The following CNP variants were observed in gnomAD, a reference collection of about 807,000 sequenced individuals.
CNP encodes 2',3'-cyclic-nucleotide 3'-phosphodiesterase.
In CNP, 8 loss-of-function variants were observed where a neutral mutation model predicts 37.9. The ratio of observed to expected loss-of-function variants is 0.21; its 90% CI spans 0.12 to 0.38. CNP has a LOEUF of 0.38. CNP is among the 10% of genes least tolerant of loss of function. The pLI is 1.00. For missense variants in CNP, 457 were observed against 551.0 expected, an observed-to-expected ratio of 0.83 and a Z score of 1.71; for synonymous variants, 237 against 238.3, an observed-to-expected ratio of 0.99 and a Z score of 0.05.
chr17:41,973,974 G>A lies in CNP; in HGVS notation c.*50G>A, dbSNP rs1313104736. 3.8e-5 allele frequency: 50 copies of A among 1,325,304 alleles called. No homozygotes were observed. Among genetic ancestry groups the A allele is most frequent in the Non-Finnish European group, 4.4e-5 (45 of 1,014,250 alleles). 82.1% of individuals were successfully genotyped at this position (1,325,304 alleles called of 1,614,324 possible). On this transcript the variant is annotated 3_prime_UTR_variant, in exon 4 of 4. Transcript: ENST00000393892. ...CTAGAAGGGAAGGGGAGAGGGAAAC[G>A]TGCCCTCTGTTTGATCCTTGTTTTG... is the stretch of plus-strand genomic sequence containing the variant.
In CNP at chr17:41,968,446, C is replaced by T. The variant is rs376807231; in HGVS notation, c.382C>T (p.Arg128Trp). The T allele has an allele frequency of 1.8e-5, 29 of 1,614,034 alleles. No individual in the cohort carries two copies. Among genetic ancestry groups the T allele is most frequent in the Non-Finnish European group, 2.2e-5 (26 of 1,180,044 alleles). The change falls in exon 2 of 4, where the codon CGG becomes TGG. Residue 128 changes from arginine to tryptophan, a missense_variant. Physicochemically the swap from Arg to Trp is moderately radical, Grantham distance 101 (BLOSUM62 -3). Transcript: ENST00000393892. This position sits in a 1 kb window ranked among gnomAD's most constrained non-coding sequence, Gnocchi z 4.8. Reference protein sequence around the residue: ...ILVLDDTNHERERLEQLFEMA... With the variant: ...ILVLDDTNHEWERLEQLFEMA... ...TGTGCTTGATGACACCAACCACGAA[C>T]GGGAACGGCTGGAGCAGCTCTTTGA...
At position 41,966,812 on chromosome 17, in the gene CNP, T is replaced by C. The variant is rs1292472998; in HGVS notation, c.-73T>C. On this transcript the variant is annotated 5_prime_UTR_variant, in exon 1 of 4. Coordinates refer to ENST00000393892, the MANE Select transcript of CNP (RefSeq NM_033133.5). ...GTCGTGCCACCGCTGGACTCCCGTG[T>C]CCCTCCGCGCAGGCGGGCGGCCCCG... 2.2e-6 allele frequency: 3 copies of C among 1,382,164 alleles called. No individual in the cohort carries two copies. The highest frequency in any genetic ancestry group is 1.6e-5 in the South Asian group (1 of 63,742). The allele number at this position is 1,382,164 out of a possible 1,614,324, so 85.6% of individuals were successfully genotyped here.
At position 41,977,403 on chromosome 17, in the gene CNP, G is replaced by C. The variant is rs1451111500; in HGVS notation, c.*3479G>C. 1 of 1,290,010 alleles carries C rather than the reference G, an allele frequency of 7.8e-7. No individual in the cohort carries two copies. The highest frequency in any genetic ancestry group is 1.1e-6 in the Non-Finnish European group (1 of 913,944). The allele number at this position is 1,290,010 out of a possible 1,614,324, so 79.9% of individuals were successfully genotyped here. ...GTTCGAAGAGAACTGATGACACTGAGAACAGATCTCCAAAGCTTTCCTGGA... is the reference window on the plus strand; with the variant it reads ...GTTCGAAGAGAACTGATGACACTGACAACAGATCTCCAAAGCTTTCCTGGA... On this transcript the variant is annotated 3_prime_UTR_variant, in exon 4 of 4. Coordinates refer to ENST00000393892, the MANE Select transcript of CNP (RefSeq NM_033133.5).
In CNP at chr17:41,968,771, A is replaced by T. The variant is rs2050940910; in HGVS notation, c.676+31A>T. 1.3e-6 allele frequency: 2 copies of T among 1,577,108 alleles called. No individual in the cohort carries two copies. Among genetic ancestry groups the T allele is most frequent in the Middle Eastern group, 1.7e-4 (1 of 5,834 alleles). ...TGGCAGGTTGGGGCCTTATAAGCCC[A>T]CCTTGCTGGGCACAGGGTGCTGCGG... On this transcript the variant is annotated intron_variant, in intron 2 of 3. Transcript: ENST00000393892. The surrounding 1 kb of genome is among the most constrained non-coding windows in gnomAD (Gnocchi z 4.8).
chr17:41,968,250 C>A lies in CNP; in HGVS notation c.186C>A (p.Gly62=). The part of the protein sequence containing the change: ...LFILRGLPGS[G]KSTLARVIVD... ...TCTTGCGCGGCCTGCCAGGAAGCGG[C>A]AAGTCCACGCTGGCACGGGTCATCG... is the stretch of plus-strand genomic sequence containing the variant. Residue 62 remains glycine (G), a synonymous_variant, in exon 2 of 4, where the codon GGC becomes GGA. Transcript: ENST00000393892. This position sits in a 1 kb window ranked among gnomAD's most constrained non-coding sequence, Gnocchi z 4.8. 1 of 1,614,168 alleles carries A rather than the reference C, an allele frequency of 6.2e-7. No individual in the cohort carries two copies. The highest frequency in any genetic ancestry group is 8.5e-7 in the Non-Finnish European group (1 of 1,180,000).
chr17:41,969,662 TCTC>T (rs1221532953), intron 2 of CNP, among the ~76,000 whole-genome samples: 1 of 152,088 alleles, frequency 6.6e-6, no homozygotes, highest in Non-Finnish European at 1.5e-5. Flanking sequence ...TTCAAGCAAT[TCTC>T]CTGCCTCAGC....
At chr17:41,966,947 G>A (rs1221090337) in intron 1 of CNP, 60 bp downstream of exon 1, 2 of 1,274,814 alleles carry the variant, frequency 1.6e-6, no homozygotes, top group African/African-American at 1.5e-5. Flanking sequence ...GAGTGTCGGG[G>A]CCCCTCGGGA....
In CNP at chr17:41,973,735, C is replaced by G; in HGVS notation, c.1077C>G (p.Ser359Arg). 6.2e-7 allele frequency: 1 copy of G among 1,611,636 alleles called. No homozygotes were observed. Among genetic ancestry groups the G allele is most frequent in the Non-Finnish European group, 8.5e-7 (1 of 1,178,648 alleles). The change falls in exon 4 of 4, where the codon AGC (serine) becomes AGG (arginine). Residue 359 changes from serine to arginine, a missense_variant. Physicochemically the swap from Ser to Arg is moderately radical, Grantham distance 110. Coordinates refer to ENST00000393892, the MANE Select transcript of CNP (RefSeq NM_033133.5). Reference sequence around the variant, plus strand: ...TTCTGCGGCAGGAGAAGGGGGGCAGCCGAGGCGAGGAGGTGGGCGAGCTAA... The same window carrying G: ...TTCTGCGGCAGGAGAAGGGGGGCAGGCGAGGCGAGGAGGTGGGCGAGCTAA... The part of the protein sequence containing the change: ...LEILRQEKGG[S>R]RGEEVGELSR...
rs76779828 is a variant in CNP at position 41,972,141 on chromosome 17, G to A, written c.816+110G>A. 3,914 of 1,359,550 alleles carry A rather than the reference G, an allele frequency of 2.9e-3. 108 individuals are homozygous for A. The African/African-American group carries it at 0.051, about 18-fold the overall frequency. The allele number at this position is 1,359,550 out of a possible 1,614,324, so 84.2% of individuals were successfully genotyped here. A position where few individuals can be genotyped will look rare whatever the true frequency, so the allele number is the denominator to read the frequency against. On this transcript the variant is annotated intron_variant, in intron 3 of 3. Transcript: ENST00000393892. ...CCAGGCAGGGACCAAAAACCAGATGGCAGCTCAAGAAAAATGGCATCTCCT... is the reference window on the plus strand; with the variant it reads ...CCAGGCAGGGACCAAAAACCAGATGACAGCTCAAGAAAAATGGCATCTCCT...
At chr17:41,972,321 C>T (rs530307254) in intron 3 of CNP, among the ~76,000 whole-genome samples, 15 of 152,202 alleles carry the variant, frequency 9.9e-5, no homozygotes, top group Admixed American at 7.8e-4. Flanking sequence ...CCACAGTGGG[C>T]TCCTGCTCTG....
rs781956517 is a variant in CNP, at chr17:41,976,793, G to C, written c.*2869G>C. 15 of 1,604,366 alleles carry C rather than the reference G, an allele frequency of 9.3e-6. No individual in the cohort carries two copies. The highest frequency in any genetic ancestry group is 5.4e-5 in the Admixed American group (3 of 55,500). ...ATGCTGAAAGAGAAAAGAGGGGTTG[G>C]TAGTTGGCTATGGATTTTCTAAGGA... On this transcript the variant is annotated 3_prime_UTR_variant, in exon 4 of 4. Transcript: ENST00000393892.
At position 41,972,016 on chromosome 17, in the gene CNP, G is replaced by T. The variant is rs1555643897; in HGVS notation, c.801G>T (p.Glu267Asp). 4 of 1,613,828 alleles carry T rather than the reference G, an allele frequency of 2.5e-6. No individual in the cohort carries two copies. The highest frequency in any genetic ancestry group is 3.4e-6 in the Non-Finnish European group (4 of 1,179,860). The change falls in exon 3 of 4, where the codon GAG becomes GAT. Residue 267 changes from glutamate to aspartate, a missense_variant. Physicochemically the swap from Glu to Asp is conservative, Grantham distance 45 (BLOSUM62 2). Coordinates refer to ENST00000393892, the MANE Select transcript of CNP (RefSeq NM_033133.5). ...CDYGKAPGAEEYAQQDVLKKS... is the reference protein window; with the variant it reads ...CDYGKAPGAEDYAQQDVLKKS... ...ACGGGAAGGCTCCCGGGGCAGAGGA[G>T]TACGCTCAACAAGATGTGAGTCTTC...
At chr17:41,973,195 G>A (rs528463646) in intron 3 of CNP, among the ~76,000 whole-genome samples, 2 of 152,310 alleles carry the variant, frequency 1.3e-5, no homozygotes, top group African/African-American at 2.4e-5. Context: ...CGCTGAGGCC[G>A]GAAGCCAGTG....
chr17:41,968,624 C>T lies in CNP; in HGVS notation c.560C>T (p.Pro187Leu). Residue 187 changes from proline (P) to leucine (L), a missense_variant, in exon 2 of 4, where the codon CCG becomes CTG. Transcript: ENST00000393892. The surrounding 1 kb of genome is among the most constrained non-coding windows in gnomAD (Gnocchi z 4.8). Reference sequence around the variant, plus strand: ...CCTGGGCTGGAGAAGGACTTCCTGCCGCTCTACTTCGGCTGGTTCCTGACC... The same window carrying T: ...CCTGGGCTGGAGAAGGACTTCCTGCTGCTCTACTTCGGCTGGTTCCTGACC... ...LKPGLEKDFL[P>L]LYFGWFLTKK... 2 of 1,614,106 alleles carry T rather than the reference C, an allele frequency of 1.2e-6. No homozygotes were observed. The highest frequency in any genetic ancestry group is 1.7e-6 in the Non-Finnish European group (2 of 1,180,030).
rs117342079 is a variant in CNP at position 41,976,920 on chromosome 17, G to A, written c.*2996G>A. ...ATCAAACAGCTCAGGCTGTTTTTGG[G>A]TGCAAGAGGGAGCACGTGACTGTAT... On this transcript the variant is annotated 3_prime_UTR_variant, in exon 4 of 4. Coordinates refer to ENST00000393892, the MANE Select transcript of CNP (RefSeq NM_033133.5). 6.7e-3 allele frequency: 6,238 copies of A among 932,362 alleles called. 36 individuals are homozygous for A. The highest frequency in any genetic ancestry group is 0.014 in the Middle Eastern group (45 of 3,280). The allele number at this position is 932,362 out of a possible 1,614,324, so 57.8% of individuals were successfully genotyped here. A position where few individuals can be genotyped will look rare whatever the true frequency, so the allele number is the denominator to read the frequency against.
chr17:41,973,373 T>TA, intron 3 of CNP, 102 bp from the exon 4 acceptor site: 1 of 1,131,746 alleles, frequency 8.8e-7, no homozygotes, highest in East Asian at 2.4e-5. Flanking sequence ...TCACTTCTGT[T>TA]AGACTTCCCC....
Position 41,968,019 on chromosome 17 carries a change from G to C in CNP, c.4-49G>C. The C allele has an allele frequency of 6.4e-7, 1 of 1,570,618 alleles. No individual in the cohort carries two copies. The highest frequency in any genetic ancestry group is 8.7e-7 in the Non-Finnish European group (1 of 1,155,688). ...CTAGGGACTAGGGGTAAGGCCGGCGGGGAGCCCGCGAATGACCTGGGCTGA... is the reference window on the plus strand; with the variant it reads ...CTAGGGACTAGGGGTAAGGCCGGCGCGGAGCCCGCGAATGACCTGGGCTGA... On this transcript the variant is annotated intron_variant, in intron 1 of 3. Transcript: ENST00000393892. This position sits in a 1 kb window ranked among gnomAD's most constrained non-coding sequence, Gnocchi z 4.8.
chr17:41,973,570 G>T lies in CNP; in HGVS notation c.912G>T (p.Glu304Asp). Reference sequence around the variant, plus strand: ...CTGGGGCCCGGGTGGAGTTAAGCGAGCAGCAACTGCAGTTGTGGCCGAGTG... The same window carrying T: ...CTGGGGCCCGGGTGGAGTTAAGCGATCAGCAACTGCAGTTGTGGCCGAGTG... The part of the protein sequence containing the change: ...KTTGARVELS[E>D]QQLQLWPSDV... The change falls in exon 4 of 4, where the codon GAG becomes GAT. Residue 304 changes from glutamate to aspartate, a missense_variant. Physicochemically the swap from Glu to Asp is conservative, Grantham distance 45. Transcript: ENST00000393892. The T allele has an allele frequency of 3.7e-6, 6 of 1,614,244 alleles. No homozygotes were observed. The highest frequency in any genetic ancestry group is 5.1e-6 in the Non-Finnish European group (6 of 1,180,058).
chr17:41,966,809 G>T lies in CNP; in HGVS notation c.-76G>T. On this transcript the variant is annotated 5_prime_UTR_variant, in exon 1 of 4. Coordinates refer to ENST00000393892, the MANE Select transcript of CNP (RefSeq NM_033133.5). Reference sequence around the variant, plus strand: ...CGGGTCGTGCCACCGCTGGACTCCCGTGTCCCTCCGCGCAGGCGGGCGGCC... The same window carrying T: ...CGGGTCGTGCCACCGCTGGACTCCCTTGTCCCTCCGCGCAGGCGGGCGGCC... The T allele has an allele frequency of 2.2e-6, 3 of 1,381,162 alleles. No individual in the cohort carries two copies. The highest frequency in any genetic ancestry group is 1.6e-5 in the South Asian group (1 of 63,518). 85.6% of individuals were successfully genotyped at this position (1,381,162 alleles called of 1,614,324 possible).
Sources: allele counts gnomAD v4.1 joint callset (sites outside exome capture counted in the v4.1 genomes callset), GRCh38; gene constraint gnomAD v4.1.1; non-coding constraint Gnocchi (gnomAD v3.1); transcripts MANE v1.5; gene names NCBI Gene and HGNC (gene_info 2026-07-23, HGNC 2026-07-21).